The following CADPS2 variants were observed in gnomAD, a reference collection of about 807,000 sequenced individuals.
The protein encoded by CADPS2 is calcium dependent secretion activator 2.
In CADPS2, 93 loss-of-function variants were observed where a neutral mutation model predicts 172.5. That is an observed-to-expected ratio of 0.54 (90% CI 0.46 to 0.64). The LOEUF is 0.64. CADPS2 is among the 30% of genes least tolerant of loss of function. CADPS2 has a pLI of 0.00. For synonymous variants in CADPS2, 546 were observed against 555.2 expected, an observed-to-expected ratio of 0.98 and a Z score of 0.23; for missense variants, 1,420 against 1,565.9, an observed-to-expected ratio of 0.91 and a Z score of 1.57.
intron 11 of CADPS2, among the ~76,000 whole-genome samples, chr7:122,488,714 T>C (rs2058050306): frequency 6.6e-6 from 1 of 152,246 alleles, no homozygotes; most frequent in Non-Finnish European, 1.5e-5. Context: ...TTACTATGGA[T>C]CACATGGAAG....
At chr7:122,850,125 G>A (rs1352587465) in intron 1 of CADPS2, 27 of 1,295,924 alleles carry the variant, frequency 2.1e-5, no homozygotes, top group East Asian at 8.4e-5. Context: ...CAACAACTCC[G>A]AGTTTTAGCA....
At chr7:122,745,778 C>T (rs1323838558) in intron 1 of CADPS2, among the ~76,000 whole-genome samples, 1 of 151,808 alleles carries the variant, frequency 6.6e-6, no homozygotes, top group Non-Finnish European at 1.5e-5. Context: ...CTCATGCTTG[C>T]CTGACCCCAC....
intron 25 of CADPS2, among the ~76,000 whole-genome samples, chr7:122,365,952 C>A (rs1026385932): frequency 2.0e-5 from 3 of 152,144 alleles, no homozygotes; most frequent in Non-Finnish European, 2.9e-5. Flanking sequence ...GCATTTTTAG[C>A]TGTGACACTT....
intron 1 of CADPS2, among the ~76,000 whole-genome samples, chr7:122,810,730 A>G (rs957875146): frequency 6.6e-6 from 1 of 152,118 alleles, no homozygotes; most frequent in African/African-American, 2.4e-5. Context: ...AGCTGGGACT[A>G]CAGGCACACA....
intron 2 of CADPS2, chr7:122,697,854 G>A: frequency 6.2e-7 from 1 of 1,611,844 alleles, no homozygotes; most frequent in Non-Finnish European, 8.5e-7. Flanking sequence ...GAGAAGTAGG[G>A]TTCTCCTCCA....
chr7:122,786,177 T>A (rs961480830), intron 1 of CADPS2, among the ~76,000 whole-genome samples: 4 of 152,244 alleles, frequency 2.6e-5, no homozygotes, highest in African/African-American at 9.6e-5. Context: ...CTGGTCTTTA[T>A]AATAAACATC....
At chr7:122,490,799 TTA>T (rs1459390854) in intron 10 of CADPS2, among the ~76,000 whole-genome samples, 24 of 152,188 alleles carry the variant, frequency 1.6e-4, no homozygotes, top group African/African-American at 5.3e-4. Flanking sequence ...TATTTAATCA[TTA>T]TGTTTATTAA....
chr7:122,627,609 C>G (rs1042103738), intron 4 of CADPS2, among the ~76,000 whole-genome samples: 1 of 152,140 alleles, frequency 6.6e-6, no homozygotes, highest in African/African-American at 2.4e-5. Flanking sequence ...CCTGAGAATA[C>G]GTCTGAGTCT....
At chr7:122,881,027 G>A (rs530448590) in intron 1 of CADPS2, among the ~76,000 whole-genome samples, 2 of 152,290 alleles carry the variant, frequency 1.3e-5, no homozygotes, top group East Asian at 3.9e-4. Context: ...AGCACAATCA[G>A]TCAAAAGTGG....
intron 1 of CADPS2, among the ~76,000 whole-genome samples, chr7:122,874,845 C>G (rs1820790471): frequency 6.6e-6 from 1 of 152,110 alleles, no homozygotes; most frequent in Non-Finnish European, 1.5e-5. Flanking sequence ...GAAACTGAAA[C>G]TGGACCCCTT....
At chr7:122,473,103 A>C (rs1263306258) in intron 13 of CADPS2, among the ~76,000 whole-genome samples, 1 of 152,116 alleles carries the variant, frequency 6.6e-6, no homozygotes, top group Non-Finnish European at 1.5e-5. Context: ...GTTCAGCCTA[A>C]AGGTTTCTCT....
At chr7:122,714,099 A>T (rs1476636347) in intron 2 of CADPS2, among the ~76,000 whole-genome samples, 1 of 152,154 alleles carries the variant, frequency 6.6e-6, no homozygotes, top group Non-Finnish European at 1.5e-5. Flanking sequence ...GGTTACCATG[A>T]CAGAAAGCAA....
intron 8 of CADPS2, among the ~76,000 whole-genome samples, chr7:122,543,442 C>T (rs2063303730): frequency 6.6e-6 from 1 of 152,036 alleles, no homozygotes; most frequent in Non-Finnish European, 1.5e-5. Flanking sequence ...TTGAGTCTGA[C>T]ACATAGTCTC....
At chr7:122,489,137 C>G (rs2058081623) in intron 11 of CADPS2, among the ~76,000 whole-genome samples, 1 of 152,054 alleles carries the variant, frequency 6.6e-6, no homozygotes, top group African/African-American at 2.4e-5. Context: ...TTACGATAAT[C>G]TATGAGTATG....
chr7:122,635,811 T>C (rs929486345), intron 3 of CADPS2, among the ~76,000 whole-genome samples: 4 of 152,230 alleles, frequency 2.6e-5, no homozygotes, highest in East Asian at 1.9e-4. Flanking sequence ...ATATTTAGGA[T>C]AGTTAAGTCT....
chr7:122,502,523 AC>A (rs1483459374), intron 9 of CADPS2, among the ~76,000 whole-genome samples: 1 of 152,034 alleles, frequency 6.6e-6, no homozygotes, highest in Admixed American at 6.5e-5. Flanking sequence ...TTATTGAAAA[AC>A]AAAATAATTT....
At chr7:122,641,903 A>G (rs1286997260) in intron 3 of CADPS2, among the ~76,000 whole-genome samples, 1 of 152,078 alleles carries the variant, frequency 6.6e-6, no homozygotes. Context: ...AACAGATATC[A>G]TTATGGGTAC....
chr7:122,615,859 A>C (rs1200592334), intron 5 of CADPS2, among the ~76,000 whole-genome samples: 1 of 152,094 alleles, frequency 6.6e-6, no homozygotes, highest in Non-Finnish European at 1.5e-5. Context: ...GAAAATTATA[A>C]TTTGTCACTG....
intron 3 of CADPS2, among the ~76,000 whole-genome samples, chr7:122,642,541 C>T (rs1422325181): frequency 1.3e-5 from 1 of 78,846 alleles, no homozygotes; most frequent in African/African-American, 5.0e-5. Flanking sequence ...TAAGTTTCAC[C>T]CAACAGCTTT....
Sources: gnomAD v4.1 joint callset for allele counts (sites outside exome capture counted in the v4.1 genomes callset) on GRCh38, gnomAD v4.1.1 for gene constraint, MANE v1.5 for transcripts, NCBI Gene and HGNC (gene_info 2026-07-23, HGNC 2026-07-21) for gene names.